NXPE4: variants seen among roughly 807,000 people sequenced by gnomAD.
NXPE4 encodes the protein neurexophilin and PC-esterase domain family member 4.
NXPE4 carries 42 observed loss-of-function variants against 33.3 expected under a neutral mutation model. The ratio of observed to expected loss-of-function variants is 1.26; its 90% CI spans 0.98 to 1.63. NXPE4 has a LOEUF of 1.63. Among genes scored for constraint, NXPE4 ranks in the 40% most tolerant of loss-of-function variants. NXPE4 has a pLI of 0.00. For missense variants in NXPE4, 709 were observed against 647.6 expected, an observed-to-expected ratio of 1.09 and a Z score of -1.03; for synonymous variants, 253 against 234.9, an observed-to-expected ratio of 1.08 and a Z score of -0.71.
chr11:114,612,387 C>T, the NXPE4 span, among the ~76,000 whole-genome samples: 4 of 151,432 alleles, frequency 2.6e-5, no homozygotes, highest in South Asian at 2.1e-4. Context: ...ATAAGTATTG[C>T]CTCATGTCTA....
chr11:114,625,563 A>G, the NXPE4 span, among the ~76,000 whole-genome samples: 5 of 152,112 alleles, frequency 3.3e-5, no homozygotes, highest in Non-Finnish European at 7.4e-5. Flanking sequence ...CCGGTGGATA[A>G]TAAGTATTGC....
At chr11:114,586,826 A>G (rs1949311512) in intron 2 of NXPE4, among the ~76,000 whole-genome samples, 1 of 152,088 alleles carries the variant, frequency 6.6e-6, no homozygotes, top group African/African-American at 2.4e-5. Flanking sequence ...TCTGTATGCA[A>G]TGCTTTAAAA....
the NXPE4 span, among the ~76,000 whole-genome samples, chr11:114,623,395 C>T: frequency 6.6e-6 from 1 of 151,958 alleles, no homozygotes; most frequent in Non-Finnish European, 1.5e-5. Flanking sequence ...AAGTATTGCG[C>T]AGTGGGTACC....
chr11:114,676,996 T>C, the NXPE4 span, among the ~76,000 whole-genome samples: 2 of 151,862 alleles, frequency 1.3e-5, no homozygotes, highest in Admixed American at 1.3e-4. Flanking sequence ...TTATGCTGGG[T>C]AAAATGGGCC....
the NXPE4 span, among the ~76,000 whole-genome samples, chr11:114,659,957 A>T: frequency 6.6e-6 from 1 of 152,130 alleles, no homozygotes; most frequent in African/African-American, 2.4e-5. Context: ...GTCAGAAATG[A>T]CAGAGGGAAT....
intron 2 of NXPE4, among the ~76,000 whole-genome samples, chr11:114,593,515 CAGAT>C (rs1280674051): frequency 6.6e-6 from 1 of 151,994 alleles, no homozygotes; most frequent in East Asian, 1.9e-4. Flanking sequence ...ATCCAAAAGA[CAGAT>C]AGTAACATAT....
the NXPE4 span, among the ~76,000 whole-genome samples, chr11:114,625,606 T>A: frequency 6.6e-6 from 1 of 152,166 alleles, no homozygotes; most frequent in African/African-American, 2.4e-5. Context: ...TGGTGGATAA[T>A]AAATATTGCC....
the NXPE4 span, among the ~76,000 whole-genome samples, chr11:114,638,311 C>T: frequency 1.8e-3 from 280 of 152,134 alleles, 2 homozygotes; most frequent in Non-Finnish European, 3.1e-3. Context: ...GTTTTCAGCT[C>T]CATCAGCTCC....
At chr11:114,667,812 A>C in the NXPE4 span, among the ~76,000 whole-genome samples, 1 of 152,174 alleles carries the variant, frequency 6.6e-6, no homozygotes, top group Admixed American at 6.6e-5. Flanking sequence ...TCCAGCTGCC[A>C]TACTGACAGA....
chr11:114,654,507 G>T, the NXPE4 span, among the ~76,000 whole-genome samples: 1 of 151,930 alleles, frequency 6.6e-6, no homozygotes, highest in Non-Finnish European at 1.5e-5. Context: ...GGTGTGTGTT[G>T]TTCCCCTCTC....
chr11:114,575,905 C>T lies in NXPE4; in HGVS notation c.1099+4227G>A, dbSNP rs150446293. 8.8e-3 allele frequency among the ~76,000 whole-genome samples: 1,337 copies of T among 152,088 alleles called. 9 individuals carry two copies. The highest frequency in any genetic ancestry group is 0.015 in the Non-Finnish European group (1,004 of 67,956). ...CCCACATAGACAAAGTAAGACTAAG[C>T]AAAAAGAACAAATCTGGAGGCATAA... On this transcript the variant is annotated intron_variant, in intron 5 of 5. Transcript: ENST00000375478.
At chr11:114,635,154 T>A in the NXPE4 span, among the ~76,000 whole-genome samples, 9 of 151,104 alleles carry the variant, frequency 6.0e-5, no homozygotes, top group African/African-American at 2.2e-4. Context: ...CAGTGGTTTG[T>A]AGTTCTCCTT....
At chr11:114,669,707 C>T in the NXPE4 span, among the ~76,000 whole-genome samples, 2 of 152,086 alleles carry the variant, frequency 1.3e-5, no homozygotes, top group South Asian at 4.1e-4. Context: ...AGAGGCAGGT[C>T]ATAGCAACAG....
At chr11:114,575,347 T>C (rs1948973112) in intron 5 of NXPE4, among the ~76,000 whole-genome samples, 1 of 151,920 alleles carries the variant, frequency 6.6e-6, no homozygotes, top group Non-Finnish European at 1.5e-5. Context: ...GCTAAAGCAA[T>C]CAGACAAAAG....
chr11:114,632,488 T>A, the NXPE4 span, among the ~76,000 whole-genome samples: 1 of 126,538 alleles, frequency 7.9e-6, no homozygotes, highest in African/African-American at 2.9e-5. Flanking sequence ...TAATACTCCA[T>A]AATATATATT....
chr11:114,604,144 CTGCTGG>C, the NXPE4 span, among the ~76,000 whole-genome samples: 1 of 152,046 alleles, frequency 6.6e-6, no homozygotes, highest in Non-Finnish European at 1.5e-5. Flanking sequence ...CTACTGATAC[CTGCTGG>C]AAAATAAGTA....
At chr11:114,585,115 G>A (rs1949260259) in intron 2 of NXPE4, among the ~76,000 whole-genome samples, 1 of 151,822 alleles carries the variant, frequency 6.6e-6, no homozygotes, top group Non-Finnish European at 1.5e-5. Context: ...TTTTAGATTG[G>A]TTCCATTCTC....
At chr11:114,621,541 G>C in the NXPE4 span, among the ~76,000 whole-genome samples, 5 of 152,108 alleles carry the variant, frequency 3.3e-5, no homozygotes, top group African/African-American at 1.2e-4. Flanking sequence ...TTAAACAGTG[G>C]ATAATAAGTA....
the NXPE4 span, among the ~76,000 whole-genome samples, chr11:114,619,416 C>T: frequency 6.6e-6 from 1 of 151,894 alleles, no homozygotes; most frequent in Non-Finnish European, 1.5e-5. Flanking sequence ...ATAAGTGTTG[C>T]CTCGTGGGTA....
Sources: allele counts gnomAD v4.1 joint callset (sites outside exome capture counted in the v4.1 genomes callset), GRCh38; gene constraint gnomAD v4.1.1; transcripts MANE v1.5; gene names NCBI Gene and HGNC (gene_info 2026-07-23, HGNC 2026-07-21).